Variants in LHFPL3 observed in about 807,000 individuals in gnomAD.
LHFPL3 encodes LHFPL tetraspan subfamily member 3.
In LHFPL3, 5 loss-of-function variants were observed where a neutral mutation model predicts 19.3. That is an observed-to-expected ratio of 0.26 (90% CI 0.14 to 0.54). The LOEUF (loss-of-function observed/expected upper bound fraction) is 0.54, where lower values mean the gene tolerates loss of function less well. Among genes scored for constraint, LHFPL3 ranks in the 20% least tolerant of loss-of-function variants. The pLI is 0.94. For missense variants in LHFPL3, 249 were observed against 307.4 expected, an observed-to-expected ratio of 0.81 and a Z score of 1.42; for synonymous variants, 133 against 126.2, an observed-to-expected ratio of 1.05 and a Z score of -0.36.
intron 1 of LHFPL3, among the ~76,000 whole-genome samples, chr7:104,594,940 A>G (rs1790810579): frequency 1.3e-5 from 2 of 152,188 alleles, no homozygotes; most frequent in African/African-American, 2.4e-5. Context: ...CCATTCGTCT[A>G]ATCTCTTTTC....
intron 1 of LHFPL3, among the ~76,000 whole-genome samples, chr7:104,578,691 C>T (rs1304805642): frequency 6.6e-6 from 1 of 152,114 alleles, no homozygotes; most frequent in Non-Finnish European, 1.5e-5. Context: ...ATAGATTGTG[C>T]TTGACAGTAC....
rs181350899 is a variant in LHFPL3 at position 104,576,881 on chromosome 7, T to C, written c.446-159794T>C. Among the ~76,000 whole-genome samples the C allele has an allele frequency of 2.6e-5, 4 of 152,316 alleles. No homozygotes were observed. In the East Asian group the frequency reaches 7.7e-4, roughly 29 times the overall value. ...TGCCATTGCTTCCTGGGGGTCTTTA[T>C]GAATGTGGTTATCTCCCTTACAGTC... On this transcript the variant is annotated intron_variant, in intron 1 of 2. Transcript: ENST00000424859.
chr7:104,671,265 AAAAAAAAC>A, intron 1 of LHFPL3, among the ~76,000 whole-genome samples: 1 of 152,192 alleles, frequency 6.6e-6, no homozygotes, highest in East Asian at 1.9e-4. Flanking sequence ...TTAAAAAAGA[AAAAAAAAC>A]TATTGATTGT....
At chr7:104,477,984 T>G (rs1742616258) in intron 1 of LHFPL3, among the ~76,000 whole-genome samples, 3 of 152,162 alleles carry the variant, frequency 2.0e-5, no homozygotes, top group African/African-American at 7.2e-5. Context: ...CAGAGAATAA[T>G]TGCTGAAATC....
In LHFPL3 at chr7:104,417,884, C is replaced by CTTTTTTT. The variant is rs762794916; in HGVS notation, c.445+88670_445+88676dup. ...TCTTCTTCTTCTTCTTCTTCTTCTT[C>CTTTTTTT]TTTTTTTTTTTTTTTTGAGATGGGG... On this transcript the variant is annotated intron_variant, in intron 1 of 2. Coordinates refer to ENST00000424859, the MANE Select transcript of LHFPL3 (RefSeq NM_199000.3). 5.9e-5 allele frequency among the ~76,000 whole-genome samples: 7 copies of CTTTTTTT among 117,752 alleles called. No homozygotes were observed. The East Asian group carries it at 7.0e-4, about 12-fold the overall frequency. 77.2% of individuals were successfully genotyped at this position (117,752 alleles called of 152,430 possible).
At chr7:104,375,538 GA>G (rs1790697846) in intron 1 of LHFPL3, among the ~76,000 whole-genome samples, 1 of 152,092 alleles carries the variant, frequency 6.6e-6, no homozygotes, top group Non-Finnish European at 1.5e-5. Context: ...TTACACCTGG[GA>G]AAAACTGGAC....
intron 1 of LHFPL3, among the ~76,000 whole-genome samples, chr7:104,476,678 T>G (rs1793025415): frequency 6.6e-6 from 1 of 152,178 alleles, no homozygotes; most frequent in Non-Finnish European, 1.5e-5. Flanking sequence ...CAGGCTGGGC[T>G]TGAACTCCCT....
At chr7:104,361,168 A>G (rs1472585602) in intron 1 of LHFPL3, among the ~76,000 whole-genome samples, 1 of 152,200 alleles carries the variant, frequency 6.6e-6, no homozygotes, top group African/African-American at 2.4e-5. Context: ...CACTAAGCCT[A>G]AAATATTTAT....
At chr7:104,557,715 A>C (rs113004620) in intron 1 of LHFPL3, among the ~76,000 whole-genome samples, 2,721 of 151,488 alleles carry the variant, frequency 0.018, 82 homozygotes, top group African/African-American at 0.063. Flanking sequence ...TTTAGGGTAC[A>C]TGTGCACATT....
intron 2 of LHFPL3, among the ~76,000 whole-genome samples, chr7:104,812,576 G>A (rs1398996778): frequency 6.6e-6 from 1 of 151,920 alleles, no homozygotes; most frequent in Non-Finnish European, 1.5e-5. Flanking sequence ...TAACTGGGCA[G>A]ATCGTTTGAG....
rs73181809 is a variant in LHFPL3 at position 104,624,604 on chromosome 7, A to T, written c.446-112071A>T. Among the ~76,000 whole-genome samples the T allele has an allele frequency of 9.8e-3, 1,495 of 152,320 alleles. 7 individuals are homozygous for T. Among genetic ancestry groups the T allele is most frequent in the South Asian group, 0.025 (119 of 4,820 alleles). ...GCCAAAGCAGCTCTGCTTCTTAGAT[A>T]TAGCTCATGGGTAAGGAGGGTAATT... On this transcript the variant is annotated intron_variant, in intron 1 of 2. Transcript: ENST00000424859.
chr7:104,523,856 A>T (rs1232505711), intron 1 of LHFPL3, among the ~76,000 whole-genome samples: 1 of 152,180 alleles, frequency 6.6e-6, no homozygotes, highest in African/African-American at 2.4e-5. Flanking sequence ...AATGCTCCTC[A>T]GGAAGGTTTA....
At chr7:104,873,926 A>T (rs1394442826) in intron 2 of LHFPL3, among the ~76,000 whole-genome samples, 1 of 152,236 alleles carries the variant, frequency 6.6e-6, no homozygotes, top group Non-Finnish European at 1.5e-5. Context: ...CTTTTATGGC[A>T]GAAATGGTGG....
intron 1 of LHFPL3, among the ~76,000 whole-genome samples, chr7:104,337,204 A>C (rs1023462710): frequency 6.6e-6 from 1 of 152,142 alleles, no homozygotes; most frequent in Non-Finnish European, 1.5e-5. Context: ...ACAACAACAA[A>C]AACAGGCAAA....
intron 1 of LHFPL3, among the ~76,000 whole-genome samples, chr7:104,673,923 A>C (rs1584473983): frequency 6.6e-6 from 1 of 152,198 alleles, no homozygotes; most frequent in East Asian, 1.9e-4. Flanking sequence ...AGTTCATCAA[A>C]TGATACTGCT....
intron 1 of LHFPL3, among the ~76,000 whole-genome samples, chr7:104,594,077 T>C (rs1381531680): frequency 6.6e-6 from 1 of 152,196 alleles, no homozygotes; most frequent in Non-Finnish European, 1.5e-5. Context: ...ATCCTGTCAT[T>C]ATGATGTTAG....
At chr7:104,798,525 T>G in intron 2 of LHFPL3, 1 of 152,246 alleles carries the variant, frequency 6.6e-6, no homozygotes, top group East Asian at 1.9e-4. Flanking sequence ...GAACTACACC[T>G]ATGCAATGTT....
chr7:104,755,696 G>C (rs1421429331), intron 2 of LHFPL3, among the ~76,000 whole-genome samples: 2 of 151,972 alleles, frequency 1.3e-5, no homozygotes, highest in South Asian at 4.2e-4. Context: ...TTCTTTGTTT[G>C]TTTGTTTGTT....
At chr7:104,638,446 C>A (rs1038297546) in intron 1 of LHFPL3, among the ~76,000 whole-genome samples, 1 of 151,900 alleles carries the variant, frequency 6.6e-6, no homozygotes, top group East Asian at 1.9e-4. Context: ...AGTGGTGAGA[C>A]AGGGCATCCT....
Sources: gnomAD v4.1 joint callset for allele counts (sites outside exome capture counted in the v4.1 genomes callset) on GRCh38, gnomAD v4.1.1 for gene constraint, MANE v1.5 for transcripts, NCBI Gene and HGNC (gene_info 2026-07-23, HGNC 2026-07-21) for gene names.